Variants in CSRNP3 observed in about 807,000 individuals in gnomAD.
CSRNP3 encodes the protein cysteine and serine rich nuclear protein 3.
Under a neutral mutation model 48.0 loss-of-function variants are expected in CSRNP3, and 12 were observed. The observed-to-expected ratio is 0.25, with a 90% confidence interval of 0.16 to 0.41. The LOEUF (loss-of-function observed/expected upper bound fraction) is 0.41, where lower values mean the gene tolerates loss of function less well. CSRNP3 is among the 10% of genes least tolerant of loss of function. The probability of loss-of-function intolerance (pLI) is 1.00; values close to 1 mark genes in which losing one functional copy is unlikely to be tolerated. For missense variants in CSRNP3, 580 were observed against 724.4 expected, an observed-to-expected ratio of 0.80 and a Z score of 2.29; for synonymous variants, 263 against 269.7, an observed-to-expected ratio of 0.98 and a Z score of 0.24.
In CSRNP3 at chr2:165,684,016, G is replaced by C. The variant is rs1368727840; in HGVS notation, c.*4263G>C. 1 of 152,072 alleles carries C rather than the reference G, an allele frequency of 6.6e-6. No homozygotes were observed. The highest frequency in any genetic ancestry group is 1.9e-4 in the East Asian group (1 of 5,186). The allele number at this position is 152,072 out of a possible 1,614,324, so 9.4% of individuals were successfully genotyped here. A position where few individuals can be genotyped will look rare whatever the true frequency, so the allele number is the denominator to read the frequency against. On this transcript the variant is annotated 3_prime_UTR_variant, in exon 7 of 7. Coordinates refer to ENST00000651982, the MANE Select transcript of CSRNP3 (RefSeq NM_001172173.2). ...CTTCTTCAATGTTAGACCTATATAA[G>C]TGATGCTAAATTTACACCAGCAAAC...
chr2:165,592,293 G>A (rs1477928734), intron 3 of CSRNP3, among the ~76,000 whole-genome samples: 1 of 152,226 alleles, frequency 6.6e-6, no homozygotes, highest in Admixed American at 6.5e-5. Context: ...AGGAACAGGT[G>A]TGTTTACCCA....
intron 2 of CSRNP3, among the ~76,000 whole-genome samples, chr2:165,509,500 G>A (rs1363504681): frequency 6.6e-6 from 1 of 152,154 alleles, no homozygotes; most frequent in African/African-American, 2.4e-5. Context: ...GTCAGATTGA[G>A]GATGCATCTT....
In CSRNP3 at chr2:165,679,246, C is replaced by A. The variant is rs149031589; in HGVS notation, c.1251C>A (p.Ala417=). ...TTCTTTGTTATTCTGATGGCACCGCCGTTCACGAAAGCCATGCAAAGAATG... is the reference window on the plus strand; with the variant it reads ...TTCTTTGTTATTCTGATGGCACCGCAGTTCACGAAAGCCATGCAAAGAATG... ...PSVLCYSDGT[A]VHESHAKNAS... is the part of the protein sequence containing the mutation. Residue 417 remains alanine, a synonymous_variant, in exon 7 of 7, where the codon GCC becomes GCA. Coordinates refer to ENST00000651982, the MANE Select transcript of CSRNP3 (RefSeq NM_001172173.2). 1.5e-4 allele frequency: 239 copies of A among 1,613,894 alleles called. 1 individual carries two copies. The East Asian group carries it at 4.3e-3, about 29-fold the overall frequency.
At chr2:165,525,900 TG>T (rs1558925091) in intron 3 of CSRNP3, among the ~76,000 whole-genome samples, 1 of 152,192 alleles carries the variant, frequency 6.6e-6, no homozygotes, top group Non-Finnish European at 1.5e-5. Context: ...ATGATCTGTT[TG>T]GGGTTAATTT....
chr2:165,526,539 T>A (rs539940282), intron 3 of CSRNP3, among the ~76,000 whole-genome samples: 2 of 152,326 alleles, frequency 1.3e-5, no homozygotes, highest in South Asian at 4.1e-4. Context: ...ATCAAAAACA[T>A]TTGCTCTATA....
chr2:165,611,200 G>T (rs1355627567), intron 4 of CSRNP3, among the ~76,000 whole-genome samples: 1 of 151,162 alleles, frequency 6.6e-6, no homozygotes, highest in Non-Finnish European at 1.5e-5. Context: ...ATTAGGAAAA[G>T]AAAAAGTGTA....
At chr2:165,659,665 A>G (rs1194842271) in intron 5 of CSRNP3, among the ~76,000 whole-genome samples, 1 of 152,236 alleles carries the variant, frequency 6.6e-6, no homozygotes, top group Non-Finnish European at 1.5e-5. Flanking sequence ...CACCTTATCA[A>G]TTGATAGGAA....
At chr2:165,676,675 A>G in intron 6 of CSRNP3, 67 bp downstream of exon 6, 2 of 1,432,174 alleles carry the variant, frequency 1.4e-6, no homozygotes, top group Non-Finnish European at 1.9e-6. Flanking sequence ...GGAGGCAGTC[A>G]TGGTACCTAT....
At chr2:165,498,639 C>G (rs1684312623) in intron 2 of CSRNP3, among the ~76,000 whole-genome samples, 1 of 152,106 alleles carries the variant, frequency 6.6e-6, no homozygotes, top group Admixed American at 6.6e-5. Context: ...GACCAAACTT[C>G]AAATAAAATT....
intron 3 of CSRNP3, among the ~76,000 whole-genome samples, chr2:165,529,769 T>C (rs1558926210): frequency 6.6e-6 from 1 of 152,202 alleles, no homozygotes; most frequent in African/African-American, 2.4e-5. Context: ...ACATATAGCA[T>C]AGTGTTGGGC....
intron 4 of CSRNP3, among the ~76,000 whole-genome samples, chr2:165,655,778 A>T (rs1253813248): frequency 6.6e-6 from 1 of 152,166 alleles, no homozygotes; most frequent in African/African-American, 2.4e-5. Flanking sequence ...CTCCATCTCC[A>T]TGTCAGTCTT....
At chr2:165,517,129 C>A (rs1462345452) in intron 2 of CSRNP3, among the ~76,000 whole-genome samples, 4 of 151,830 alleles carry the variant, frequency 2.6e-5, no homozygotes, top group African/African-American at 9.7e-5. Flanking sequence ...CCTTGACATA[C>A]AAGAGTAGAA....
At chr2:165,644,669 T>G (rs532071637) in intron 4 of CSRNP3, among the ~76,000 whole-genome samples, 1 of 152,244 alleles carries the variant, frequency 6.6e-6, no homozygotes, top group African/African-American at 2.4e-5. Context: ...AACAGTTACT[T>G]CATCCTAGGG....
At position 165,595,170 on chromosome 2, in the gene CSRNP3, C is replaced by G. The variant is rs141741469; in HGVS notation, c.105C>G (p.Asp35Glu). The G allele has an allele frequency of 6.2e-7, 1 of 1,614,178 alleles. No individual in the cohort carries two copies. Reference protein sequence around the residue: ...DDEVSSSESADSGDSVNPSTS... With the variant: ...DDEVSSSESAESGDSVNPSTS... ...AAGTTTCCAGCAGTGAAAGTGCTGA[C>G]AGTGGGGACAGTGTCAATCCATCCA... Residue 35 changes from aspartate to glutamate, a missense_variant, in exon 4 of 7, where the codon GAC (aspartate) becomes GAG (glutamate). By Grantham distance (45) the Asp-to-Glu change is conservative. Around this residue, in one of 4 missense-constraint regions of CSRNP3, gnomAD observed 83 missense variants for 139.6 expected, o/e 0.59. Coordinates refer to ENST00000651982, the MANE Select transcript of CSRNP3 (RefSeq NM_001172173.2).
chr2:165,559,796 CT>C (rs11313094), intron 3 of CSRNP3, among the ~76,000 whole-genome samples: 5,206 of 98,298 alleles, frequency 0.053, 127 homozygotes, highest in African/African-American at 0.18. Context: ...TTCTTTCTTT[CT>C]TTTTTTTTTT....
At chr2:165,482,655 A>G (rs75596220) in intron 1 of CSRNP3, among the ~76,000 whole-genome samples, 18 of 152,278 alleles carry the variant, frequency 1.2e-4, no homozygotes, top group Non-Finnish European at 2.1e-4. Flanking sequence ...CCAAAGGGAG[A>G]TATACCAAAA....
intron 4 of CSRNP3, among the ~76,000 whole-genome samples, chr2:165,652,227 C>T (rs1393617285): frequency 1.3e-5 from 2 of 151,954 alleles, no homozygotes; most frequent in Non-Finnish European, 2.9e-5. Flanking sequence ...AAAATAGTGT[C>T]AAGGCTGGGC....
At chr2:165,654,152 C>A (rs895375343) in intron 4 of CSRNP3, among the ~76,000 whole-genome samples, 2 of 152,050 alleles carry the variant, frequency 1.3e-5, no homozygotes, top group African/African-American at 2.4e-5. Flanking sequence ...AAGTTATCAT[C>A]ACAAAACCAG....
chr2:165,567,711 G>T (rs1223706856), intron 3 of CSRNP3, among the ~76,000 whole-genome samples: 1 of 151,788 alleles, frequency 6.6e-6, no homozygotes, highest in Non-Finnish European at 1.5e-5. Flanking sequence ...TTTTATCTTT[G>T]CATAACTAAA....
Sources: allele counts gnomAD v4.1 joint callset (sites outside exome capture counted in the v4.1 genomes callset), GRCh38; gene constraint gnomAD v4.1.1; regional missense constraint gnomAD v4.1.1; transcripts MANE v1.5; gene names NCBI Gene and HGNC (gene_info 2026-07-23, HGNC 2026-07-21).